MDFIC2: variants seen among roughly 807,000 people sequenced by gnomAD.
MDFIC2 encodes the protein myoD family inhibitor domain-containing protein 2.
At position 70,271,240 on chromosome 3, in the gene MDFIC2, G is replaced by A. The variant is rs116240286; in HGVS notation, c.88+40646C>T. Among the ~76,000 whole-genome samples the A allele has an allele frequency of 4.1e-3, 630 of 152,016 alleles. 3 individuals are homozygous for A. The highest frequency in any genetic ancestry group is 0.014 in the African/African-American group (591 of 41,454). The stretch of plus-strand genomic sequence containing the variant: ...TTATCATTGATCTACCTTAGGGTTC[G>A]CAAACTCAAGATGACCAGGACTAGG... On this transcript the variant is annotated intron_variant, in intron 2 of 3. Coordinates refer to ENST00000567252, the MANE Select transcript of MDFIC2 (RefSeq NM_001364677.1).
At chr3:70,249,255 A>G (rs1042610966) in intron 2 of MDFIC2, 4 of 152,192 alleles carry the variant, frequency 2.6e-5, no homozygotes, top group Admixed American at 1.3e-4. Flanking sequence ...TTGAAGGGAC[A>G]GAACTGGATT....
At chr3:70,280,302 G>C (rs556118962) in intron 2 of MDFIC2, among the ~76,000 whole-genome samples, 1 of 152,224 alleles carries the variant, frequency 6.6e-6, no homozygotes, top group South Asian at 2.1e-4. Context: ...CTCCACGTCA[G>C]GATCCTTAAC....
intron 2 of MDFIC2, among the ~76,000 whole-genome samples, chr3:70,215,962 TC>T (rs1261762477): frequency 1.3e-5 from 2 of 152,084 alleles, no homozygotes; most frequent in Non-Finnish European, 2.9e-5. Flanking sequence ...GTAAAACACA[TC>T]TTGGTATTTT....
At position 70,234,655 on chromosome 3, in the gene MDFIC2, AG is replaced by A. The variant is rs752969231; in HGVS notation, c.89-27866del. On this transcript the variant is annotated intron_variant, in intron 2 of 3. Coordinates refer to ENST00000567252, the MANE Select transcript of MDFIC2 (RefSeq NM_001364677.1). ...ACCCTGGCTCAAAAAAAAAAAAAAA[AG>A]TTTCTGGTGCTTAATAGAGCTATGG... Among the ~76,000 whole-genome samples the A allele has an allele frequency of 2.9e-3, 435 of 150,768 alleles. 2 individuals carry two copies. Among genetic ancestry groups the A allele is most frequent in the Non-Finnish European group, 4.8e-3 (326 of 67,764 alleles).
At chr3:70,205,585 T>C (rs1161609600) in intron 3 of MDFIC2, 1 of 152,086 alleles carries the variant, frequency 6.6e-6, no homozygotes, top group African/African-American at 2.4e-5. Flanking sequence ...CCCCATGGTG[T>C]GAACTAGCCT....
rs558317834 is a variant in MDFIC2 at position 70,195,331 on chromosome 3, G to A, written c.*1595C>T. 3.3e-5 allele frequency among the ~76,000 whole-genome samples: 5 copies of A among 152,210 alleles called. No homozygotes were observed. Among genetic ancestry groups the A allele is most frequent in the East Asian group, 3.9e-4 (2 of 5,182 alleles). On this transcript the variant is annotated 3_prime_UTR_variant, in exon 4 of 4. Transcript: ENST00000567252. ...AAGGTGTGGGGCACTTTCATGCTCC[G>A]TGGTTTGTGAATAACATGGTCATCA...
intron 2 of MDFIC2, among the ~76,000 whole-genome samples, chr3:70,236,489 C>A (rs1303734782): frequency 6.6e-6 from 1 of 152,140 alleles, no homozygotes; most frequent in Non-Finnish European, 1.5e-5. Context: ...AATGTGTAAG[C>A]CTTCATGTAT....
At chr3:70,286,527 G>A (rs1487296059) in intron 2 of MDFIC2, among the ~76,000 whole-genome samples, 1 of 151,832 alleles carries the variant, frequency 6.6e-6, no homozygotes, top group Non-Finnish European at 1.5e-5. Context: ...GCTTAGGATT[G>A]ACTTGGTGAT....
chr3:70,268,634 G>T (rs1300497382), intron 2 of MDFIC2, among the ~76,000 whole-genome samples: 1 of 152,108 alleles, frequency 6.6e-6, no homozygotes, highest in Non-Finnish European at 1.5e-5. Flanking sequence ...TTGACATGTA[G>T]CTTTCTTTGT....
intron 2 of MDFIC2, among the ~76,000 whole-genome samples, chr3:70,208,008 G>A (rs924499902): frequency 3.3e-5 from 5 of 151,996 alleles, no homozygotes; most frequent in Non-Finnish European, 5.9e-5. Context: ...CAAACAAATC[G>A]TCAAAGAAAT....
intron 3 of MDFIC2, among the ~76,000 whole-genome samples, chr3:70,206,278 C>A (rs1701290156): frequency 6.6e-6 from 1 of 151,898 alleles, no homozygotes; most frequent in Non-Finnish European, 1.5e-5. Flanking sequence ...AAGAAGTTTG[C>A]CATTTTTCTT....
intron 2 of MDFIC2, among the ~76,000 whole-genome samples, chr3:70,276,813 A>G (rs1047049887): frequency 4.6e-5 from 7 of 152,198 alleles, no homozygotes; most frequent in Non-Finnish European, 5.9e-5. Context: ...AGCCAGAAAT[A>G]TTTACTATCT....
intron 3 of MDFIC2, among the ~76,000 whole-genome samples, chr3:70,204,231 A>T (rs1213089198): frequency 6.6e-6 from 1 of 152,178 alleles, no homozygotes; most frequent in South Asian, 2.1e-4. Flanking sequence ...TGGATGCAGT[A>T]TTCTCTTTTC....
intron 2 of MDFIC2, among the ~76,000 whole-genome samples, chr3:70,287,618 G>T (rs1445691179): frequency 1.3e-5 from 2 of 152,126 alleles, no homozygotes; most frequent in Non-Finnish European, 2.9e-5. Flanking sequence ...GATTGGAATA[G>T]TTTCAGAAGG....
intron 2 of MDFIC2, among the ~76,000 whole-genome samples, chr3:70,214,445 G>A (rs2106731722): frequency 6.6e-6 from 1 of 152,072 alleles, no homozygotes; most frequent in South Asian, 2.1e-4. Context: ...AGAGAGAAAA[G>A]GCTAAAGTAT....
intron 2 of MDFIC2, among the ~76,000 whole-genome samples, chr3:70,273,434 A>G (rs1199195110): frequency 1.3e-5 from 2 of 152,214 alleles, no homozygotes; most frequent in Non-Finnish European, 2.9e-5. Flanking sequence ...GTTTCTCTCC[A>G]GGAGTATTTT....
chr3:70,256,707 T>A (rs187173944), intron 2 of MDFIC2, among the ~76,000 whole-genome samples: 1 of 152,200 alleles, frequency 6.6e-6, no homozygotes, highest in East Asian at 1.9e-4. Flanking sequence ...ATGGAAAGGG[T>A]CAGATGGCAT....
intron 2 of MDFIC2, among the ~76,000 whole-genome samples, chr3:70,207,205 A>C (rs1701299377): frequency 6.6e-6 from 1 of 152,040 alleles, no homozygotes; most frequent in Non-Finnish European, 1.5e-5. Context: ...ATATGAGCTC[A>C]ATCAAGTCAC....
chr3:70,235,243 A>G (rs562191504), intron 2 of MDFIC2, among the ~76,000 whole-genome samples: 1 of 152,254 alleles, frequency 6.6e-6, no homozygotes, highest in East Asian at 1.9e-4. Context: ...TTGCATCTTC[A>G]GTCTTACTCT....
Sources: allele counts gnomAD v4.1 joint callset (sites outside exome capture counted in the v4.1 genomes callset), GRCh38; gene constraint gnomAD v4.1.1; transcripts MANE v1.5; gene names NCBI Gene and HGNC (gene_info 2026-07-23, HGNC 2026-07-21).